MEIS2: variants seen among roughly 807,000 people sequenced by gnomAD.
The protein encoded by MEIS2 is Meis homeobox 2, also known as homeobox protein Meis2.
In MEIS2, 9 loss-of-function variants were observed where a neutral mutation model predicts 58.6. The ratio of observed to expected loss-of-function variants is 0.15; its 90% CI spans 0.09 to 0.27. The LOEUF is 0.27. MEIS2 is among the 10% of genes least tolerant of loss of function. MEIS2 has a pLI of 1.00. For missense variants in MEIS2, 427 were observed against 635.0 expected, an observed-to-expected ratio of 0.67 and a Z score of 3.52; for synonymous variants, 221 against 228.4, an observed-to-expected ratio of 0.97 and a Z score of 0.29.
intron 8 of MEIS2, among the ~76,000 whole-genome samples, chr15:36,990,634 G>A (rs570868847): frequency 3.0e-4 from 15 of 50,434 alleles, no homozygotes; most frequent in African/African-American, 4.7e-4. Flanking sequence ...ATAGTTTAGT[G>A]GGCTTTCTTT....
At chr15:36,933,166 T>G (rs1314396426) in intron 9 of MEIS2, among the ~76,000 whole-genome samples, 1 of 152,204 alleles carries the variant, frequency 6.6e-6, no homozygotes, top group Non-Finnish European at 1.5e-5. Flanking sequence ...ATTTCCAGTC[T>G]GTGCTGCTAG....
chr15:36,995,992 T>TAC (rs2060495895), intron 8 of MEIS2, among the ~76,000 whole-genome samples: 1 of 52,726 alleles, frequency 1.9e-5, no homozygotes, highest in Non-Finnish European at 5.6e-5. Flanking sequence ...TATATATATA[T>TAC]ATATATATAT....
chr15:37,053,903 C>G (rs879218401), intron 7 of MEIS2, among the ~76,000 whole-genome samples: 2 of 152,138 alleles, frequency 1.3e-5, no homozygotes, highest in Non-Finnish European at 2.9e-5. Context: ...TGCCTCATAT[C>G]TATATAATAA....
In MEIS2 at chr15:36,934,548, G is replaced by A. The variant is rs1467725246; in HGVS notation, c.977+15776C>T. Among the ~76,000 whole-genome samples the A allele has an allele frequency of 4.6e-5, 7 of 152,128 alleles. No individual in the cohort carries two copies. In the East Asian group the frequency reaches 7.7e-4, roughly 17 times the overall value. ...TTAACTTGAAGGCATTTAAAATACC[G>A]TTCAACGGGCACCTTTCCACTTATC... On this transcript the variant is annotated intron_variant, in intron 9 of 11. Transcript: ENST00000561208.
At chr15:37,059,158 G>T (rs1377618551) in intron 7 of MEIS2, among the ~76,000 whole-genome samples, 1 of 152,096 alleles carries the variant, frequency 6.6e-6, no homozygotes, top group East Asian at 1.9e-4. Context: ...CACACAAAAG[G>T]TCCCAGTTAC....
chr15:36,978,302 C>T, intron 8 of MEIS2, among the ~76,000 whole-genome samples: 1 of 152,036 alleles, frequency 6.6e-6, no homozygotes, highest in East Asian at 1.9e-4. Flanking sequence ...TTTGCTAATC[C>T]CTAGAGCAAT....
chr15:37,084,014 C>T (rs540522084), intron 6 of MEIS2, 129 bp from the exon 7 acceptor site: 13 of 677,396 alleles, frequency 1.9e-5, no homozygotes, highest in Non-Finnish European at 3.1e-5. Context: ...TAGGCATATA[C>T]GCATGCCATG....
chr15:37,098,987 G>C (rs1894749246), intron 1 of MEIS2: 6 of 984,116 alleles, frequency 6.1e-6, no homozygotes, highest in Middle Eastern at 5.2e-4. Context: ...TCTAGGCGGC[G>C]GCGCAGCGGC....
chr15:36,890,172 A>T lies in MEIS2; in HGVS notation c.*2001T>A, dbSNP rs1265221505. On this transcript the variant is annotated 3_prime_UTR_variant, in exon 12 of 12. Coordinates refer to ENST00000561208, the MANE Select transcript of MEIS2 (RefSeq NM_170675.5). ...TTGACATCACATATCTAGCCAAAGT[A>T]TATGACATTATTCTTTCTAAACAAA... 6.6e-6 allele frequency: 1 copy of T among 152,212 alleles called. No individual in the cohort carries two copies. Among genetic ancestry groups the T allele is most frequent in the East Asian group, 1.9e-4 (1 of 5,204 alleles). The allele number at this position is 152,212 out of a possible 1,614,324, so 9.4% of individuals were successfully genotyped here.
At chr15:36,949,113 A>C (rs2058669479) in intron 9 of MEIS2, among the ~76,000 whole-genome samples, 1 of 151,914 alleles carries the variant, frequency 6.6e-6, no homozygotes. Context: ...TTACTGGTGT[A>C]ATTGAAATGC....
chr15:37,065,824 A>G (rs1465163634), intron 7 of MEIS2, among the ~76,000 whole-genome samples: 1 of 152,204 alleles, frequency 6.6e-6, no homozygotes, highest in Non-Finnish European at 1.5e-5. Flanking sequence ...ATCCAGTTGA[A>G]TGTGTTACTA....
At chr15:37,058,756 C>T (rs1372354427) in intron 7 of MEIS2, among the ~76,000 whole-genome samples, 2 of 152,146 alleles carry the variant, frequency 1.3e-5, no homozygotes, top group East Asian at 3.9e-4. Flanking sequence ...CACAGATCAC[C>T]TGGGTCAAGA....
At chr15:37,003,534 C>T (rs1185936886) in intron 8 of MEIS2, among the ~76,000 whole-genome samples, 1 of 152,090 alleles carries the variant, frequency 6.6e-6, no homozygotes, top group Admixed American at 6.5e-5. Flanking sequence ...ATGACACTTG[C>T]TGTAGCCATT....
At chr15:36,942,570 T>C (rs554504251) in intron 9 of MEIS2, among the ~76,000 whole-genome samples, 9 of 152,278 alleles carry the variant, frequency 5.9e-5, no homozygotes, top group Non-Finnish European at 1.2e-4. Context: ...CTACATTTAC[T>C]CATTACCAGA....
chr15:37,062,322 T>C (rs1466438348), intron 7 of MEIS2, among the ~76,000 whole-genome samples: 1 of 152,208 alleles, frequency 6.6e-6, no homozygotes, highest in Non-Finnish European at 1.5e-5. Flanking sequence ...CTTGTTTTCT[T>C]AGAGAAAAAG....
chr15:37,039,427 AG>A (rs1247505134), intron 7 of MEIS2, among the ~76,000 whole-genome samples: 1 of 152,194 alleles, frequency 6.6e-6, no homozygotes, highest in African/African-American at 2.4e-5. Flanking sequence ...TTTTTTTGAT[AG>A]ATTTTTGAAT....
intron 8 of MEIS2, among the ~76,000 whole-genome samples, chr15:36,982,293 A>G (rs192460248): frequency 0.011 from 1,631 of 152,290 alleles, 16 homozygotes; most frequent in Non-Finnish European, 0.017. Flanking sequence ...CTCATTCAGC[A>G]TAACTGAAAC....
intron 7 of MEIS2, among the ~76,000 whole-genome samples, chr15:37,047,937 T>C (rs2062742814): frequency 6.6e-6 from 1 of 152,356 alleles, no homozygotes; most frequent in East Asian, 1.9e-4. Context: ...TTTTTAATCA[T>C]GCAAAATATT....
chr15:37,048,781 T>G (rs2062784670), intron 7 of MEIS2, among the ~76,000 whole-genome samples: 1 of 152,130 alleles, frequency 6.6e-6, no homozygotes, highest in African/African-American at 2.4e-5. Context: ...CAACATGCCC[T>G]TTATGAAGTT....
Sources: gnomAD v4.1 joint callset for allele counts (sites outside exome capture counted in the v4.1 genomes callset) on GRCh38, gnomAD v4.1.1 for gene constraint, MANE v1.5 for transcripts, NCBI Gene and HGNC (gene_info 2026-07-23, HGNC 2026-07-21) for gene names.